Variants in FAM107B observed in about 807,000 individuals in gnomAD.
The protein encoded by FAM107B is family with sequence similarity 107 member B, also known as protein FAM107B.
A neutral mutation model predicts 31.5 loss-of-function variants in FAM107B; 21 were observed. The observed-to-expected ratio is 0.67, with a 90% CI of 0.47 to 0.96. The LOEUF (loss-of-function observed/expected upper bound fraction) is 0.96. Among genes scored for constraint, FAM107B ranks in the 40% least tolerant of loss-of-function variants. FAM107B has a pLI of 0.00. For synonymous variants in FAM107B, 157 were observed against 141.5 expected (o/e 1.11, Z -0.78); for missense variants, 452 against 377.1 (o/e 1.20, Z -1.64).
Position 14,571,117 on chromosome 10 carries a change from C to A in FAM107B, c.470-40602G>T, listed in dbSNP as rs544440233. Among the ~76,000 whole-genome samples the A allele has an allele frequency of 5.9e-5, 9 of 152,210 alleles. 1 individual carries two copies. In the South Asian group the frequency reaches 1.0e-3, roughly 18 times the overall value. On this transcript the variant is annotated intron_variant, in intron 2 of 4. Coordinates refer to ENST00000181796, the MANE Select transcript of FAM107B (RefSeq NM_031453.4). ...TCCCTTCCTGACTGGCACACAGCCA[C>A]CTTCTGGCTGTGTCCTCACATGGTG... is the stretch of plus-strand genomic sequence containing the variant.
chr10:14,550,763 C>CT (rs1403596173), intron 2 of FAM107B, among the ~76,000 whole-genome samples: 1 of 152,158 alleles, frequency 6.6e-6, no homozygotes, highest in East Asian at 1.9e-4. Flanking sequence ...AAGGTCAGAA[C>CT]TTTTTTTAAC....
At chr10:14,739,734 G>T (rs1266483689) in intron 1 of FAM107B, among the ~76,000 whole-genome samples, 1 of 152,186 alleles carries the variant, frequency 6.6e-6, no homozygotes, top group Non-Finnish European at 1.5e-5. Flanking sequence ...GCTAGAAAGA[G>T]GTATTCTCTT....
At chr10:14,583,092 A>C (rs1301579319) in intron 2 of FAM107B, among the ~76,000 whole-genome samples, 4 of 151,800 alleles carry the variant, frequency 2.6e-5, no homozygotes, top group Non-Finnish European at 5.9e-5. Context: ...GTCTCAAAAA[A>C]AAAAAAAAAA....
intron 2 of FAM107B, among the ~76,000 whole-genome samples, chr10:14,620,856 C>T (rs377489962): frequency 5.3e-5 from 8 of 152,102 alleles, no homozygotes; most frequent in Non-Finnish European, 8.8e-5. Context: ...AGGTCTTGTT[C>T]GATTTCCTTA....
intron 2 of FAM107B, among the ~76,000 whole-genome samples, chr10:14,569,511 A>G (rs1290834823): frequency 6.6e-6 from 1 of 152,194 alleles, no homozygotes; most frequent in East Asian, 1.9e-4. Flanking sequence ...TGTTCCAGCA[A>G]AAACTTTAGC....
chr10:14,653,645 A>T, intron 2 of FAM107B, among the ~76,000 whole-genome samples: 1 of 152,246 alleles, frequency 6.6e-6, no homozygotes, highest in East Asian at 1.9e-4. Context: ...CCTTGGTGGC[A>T]ATGCACAGTT....
At chr10:14,683,190 C>CT (rs769749883) in intron 1 of FAM107B, among the ~76,000 whole-genome samples, 34 of 151,870 alleles carry the variant, frequency 2.2e-4, no homozygotes, top group Non-Finnish European at 3.8e-4. Flanking sequence ...TAGCCCCTTG[C>CT]TGGTCTTGCT....
intron 2 of FAM107B, among the ~76,000 whole-genome samples, chr10:14,595,529 G>A (rs987823004): frequency 2.0e-5 from 3 of 149,862 alleles, no homozygotes; most frequent in Non-Finnish European, 4.4e-5. Flanking sequence ...GAGTTCGAGC[G>A]ATTCTCCTGC....
chr10:14,773,111 C>T (rs1308917792), intron 1 of FAM107B, among the ~76,000 whole-genome samples: 1 of 152,058 alleles, frequency 6.6e-6, no homozygotes, highest in African/African-American at 2.4e-5. Flanking sequence ...TTTAGTGGTG[C>T]TAGAAAAAAA....
chr10:14,665,303 C>T (rs917206972), intron 2 of FAM107B, among the ~76,000 whole-genome samples: 2 of 152,166 alleles, frequency 1.3e-5, no homozygotes, highest in African/African-American at 2.4e-5. Flanking sequence ...TCTAGTAACA[C>T]ATACTGAGGG....
chr10:14,745,595 A>G (rs1476021568), intron 1 of FAM107B, among the ~76,000 whole-genome samples: 1 of 152,106 alleles, frequency 6.6e-6, no homozygotes, highest in Admixed American at 6.5e-5. Flanking sequence ...TTCGATTTCC[A>G]TGTAGTTGTG....
chr10:14,668,233 C>T (rs569517090), intron 1 of FAM107B, among the ~76,000 whole-genome samples: 9 of 151,956 alleles, frequency 5.9e-5, no homozygotes, highest in Admixed American at 2.0e-4. Context: ...TTAGTAGAGA[C>T]GGGGTTTCAC....
chr10:14,571,764 T>C, intron 2 of FAM107B: 1 of 985,122 alleles, frequency 1.0e-6, no homozygotes, highest in Non-Finnish European at 1.2e-6. Flanking sequence ...TATTCTTACC[T>C]CAGATATCTA....
At chr10:14,619,767 T>C (rs1852956002) in intron 2 of FAM107B, among the ~76,000 whole-genome samples, 2 of 151,216 alleles carry the variant, frequency 1.3e-5, no homozygotes, top group Admixed American at 6.6e-5. Flanking sequence ...TACATTCTCT[T>C]ATGTTTTCTT....
chr10:14,611,514 A>T lies in FAM107B; in HGVS notation c.469+56120T>A, dbSNP rs1005414713. On this transcript the variant is annotated intron_variant, in intron 2 of 4. Coordinates refer to ENST00000181796, the MANE Select transcript of FAM107B (RefSeq NM_031453.4). ...TATATATATATATATATATATATAT[A>T]TATATATATATATATTCACCTAACT... is the stretch of plus-strand genomic sequence containing the variant. Among the ~76,000 whole-genome samples, 44 of 122,602 alleles carry T rather than the reference A, an allele frequency of 3.6e-4. 1 individual carries two copies. The highest frequency in any genetic ancestry group is 1.4e-3 in the African/African-American group (40 of 29,108). 80.4% of individuals were successfully genotyped at this position (122,602 alleles called of 152,430 possible). A position where few individuals can be genotyped will look rare whatever the true frequency, so the allele number is the denominator to read the frequency against.
At chr10:14,575,793 G>A (rs1014142920) in intron 2 of FAM107B, among the ~76,000 whole-genome samples, 5 of 152,114 alleles carry the variant, frequency 3.3e-5, no homozygotes, top group African/African-American at 9.7e-5. Flanking sequence ...TCTACTTTAC[G>A]TTTTAAAATG....
chr10:14,557,475 C>T (rs1849802127), intron 2 of FAM107B, among the ~76,000 whole-genome samples: 1 of 152,232 alleles, frequency 6.6e-6, no homozygotes, highest in Non-Finnish European at 1.5e-5. Flanking sequence ...TTTCTAGCCT[C>T]TATTTCTCCC....
chr10:14,576,161 G>A (rs1035814016), intron 2 of FAM107B, among the ~76,000 whole-genome samples: 1 of 152,320 alleles, frequency 6.6e-6, no homozygotes, highest in African/African-American at 2.4e-5. Context: ...GAGATGGATG[G>A]TGGAGATGGT....
At chr10:14,645,486 TC>T (rs56679536) in intron 2 of FAM107B, among the ~76,000 whole-genome samples, 56,724 of 151,960 alleles carry the variant, frequency 0.37, 10,888 homozygotes, top group East Asian at 0.59. Context: ...GGTCCTTTCT[TC>T]CCCCACATCT....
Sources: allele counts gnomAD v4.1 joint callset (sites outside exome capture counted in the v4.1 genomes callset), GRCh38; gene constraint gnomAD v4.1.1; transcripts MANE v1.5; gene names NCBI Gene and HGNC (gene_info 2026-07-23, HGNC 2026-07-21).